The following KCNIP4 variants were observed in gnomAD, a reference collection of about 807,000 sequenced individuals.
KCNIP4 encodes Kv channel-interacting protein 4.
KCNIP4 carries 12 observed loss-of-function variants against 34.0 expected under a neutral mutation model. The ratio of observed to expected loss-of-function variants is 0.35; its 90% CI spans 0.23 to 0.57. KCNIP4 has a LOEUF of 0.57. Ranked by LOEUF, KCNIP4 falls within the 20% of genes least tolerant of loss-of-function variation. The pLI is 0.83. For missense variants in KCNIP4, 238 were observed against 311.7 expected (o/e 0.76, Z 1.78); for synonymous variants, 124 against 102.2 (o/e 1.21, Z -1.29).
intron 1 of KCNIP4, among the ~76,000 whole-genome samples, chr4:21,080,874 A>C (rs1483296827): frequency 4.0e-5 from 6 of 151,838 alleles, no homozygotes; most frequent in Non-Finnish European, 7.4e-5. Flanking sequence ...AATGGGCAAC[A>C]CTCTACAGAA....
intron 1 of KCNIP4, among the ~76,000 whole-genome samples, chr4:21,782,998 G>A (rs577693770): frequency 4.5e-4 from 69 of 152,270 alleles, no homozygotes; most frequent in African/African-American, 1.6e-3. Flanking sequence ...TAGCTGCCAA[G>A]GATGAGGGAT....
In KCNIP4 at chr4:20,868,291, T is replaced by C. The variant is rs1723072745; in HGVS notation, c.163+14317A>G. ...AGAGAAATGTAAATCTAAATTACAA[T>C]GAGATACCATCTCATACCAGTCAGA... On this transcript the variant is annotated intron_variant, in intron 2 of 8. Coordinates refer to ENST00000382152, the MANE Select transcript of KCNIP4 (RefSeq NM_025221.6). Among the ~76,000 whole-genome samples the C allele has an allele frequency of 2.0e-5, 3 of 152,172 alleles. No homozygotes were observed. The South Asian group carries it at 6.2e-4, about 32-fold the overall frequency.
At chr4:20,876,342 G>A (rs1865446) in intron 2 of KCNIP4, among the ~76,000 whole-genome samples, 24,277 of 152,060 alleles carry the variant, frequency 0.16, 2,139 homozygotes, top group Middle Eastern at 0.2. Context: ...GATAAAGTGA[G>A]TTACTCAGAG....
Position 21,848,633 on chromosome 4 carries a change from A to T in KCNIP4, c.61+99938T>A, listed in dbSNP as rs556630623. 98 of 152,256 alleles carry T rather than the reference A, an allele frequency of 6.4e-4. 2 individuals carry two copies. Among genetic ancestry groups the T allele is most frequent in the Middle Eastern group, 3.4e-3 (1 of 292 alleles). The allele number at this position is 152,256 out of a possible 1,614,324, so 9.4% of individuals were successfully genotyped here. The stretch of plus-strand genomic sequence containing the variant: ...GATTTTTGTTATTTAAAAAATCTAA[A>T]CGTTGCTCTAAAATATCCCTAAGGG... On this transcript the variant is annotated intron_variant, in intron 1 of 8. Coordinates refer to ENST00000382152, the MANE Select transcript of KCNIP4 (RefSeq NM_025221.6).
At chr4:21,461,337 T>A (rs1729446902) in intron 1 of KCNIP4, among the ~76,000 whole-genome samples, 1 of 152,042 alleles carries the variant, frequency 6.6e-6, no homozygotes, top group South Asian at 2.1e-4. Flanking sequence ...ATTAAACCCA[T>A]TTTCTTCTTA....
chr4:21,685,156 A>G (rs1391310275), intron 1 of KCNIP4, among the ~76,000 whole-genome samples: 1 of 152,176 alleles, frequency 6.6e-6, no homozygotes, highest in African/African-American at 2.4e-5. Context: ...AACATTTTAA[A>G]ATCAATAGAA....
intron 1 of KCNIP4, among the ~76,000 whole-genome samples, chr4:21,927,553 A>T (rs1729322379): frequency 6.6e-6 from 1 of 152,198 alleles, no homozygotes; most frequent in African/African-American, 2.4e-5. Flanking sequence ...ACCTGTATCC[A>T]TGTCTTGGCC....
At chr4:21,166,408 A>G (rs922722269) in intron 1 of KCNIP4, among the ~76,000 whole-genome samples, 3 of 152,208 alleles carry the variant, frequency 2.0e-5, no homozygotes, top group Non-Finnish European at 2.9e-5. Flanking sequence ...TTCTGATCAT[A>G]CCAAGTATGG....
At chr4:21,389,763 C>T (rs568738666) in intron 1 of KCNIP4, among the ~76,000 whole-genome samples, 7 of 152,068 alleles carry the variant, frequency 4.6e-5, no homozygotes, top group South Asian at 2.1e-4. Flanking sequence ...AATAAACATA[C>T]GTGTGCATGT....
At chr4:21,198,508 C>T (rs984905129) in intron 1 of KCNIP4, among the ~76,000 whole-genome samples, 1 of 152,168 alleles carries the variant, frequency 6.6e-6, no homozygotes, top group Middle Eastern at 3.2e-3. Context: ...CCATTTATTC[C>T]TCACAGCACA....
chr4:21,063,387 A>T (rs1744091434), intron 1 of KCNIP4, among the ~76,000 whole-genome samples: 1 of 152,338 alleles, frequency 6.6e-6, no homozygotes, highest in Admixed American at 6.5e-5. Flanking sequence ...GGGTTAGGGG[A>T]GTAAGCTATG....
chr4:20,756,775 C>T (rs549716869), intron 4 of KCNIP4, among the ~76,000 whole-genome samples: 13 of 152,176 alleles, frequency 8.5e-5, no homozygotes, highest in Admixed American at 2.6e-4. Flanking sequence ...CATTTCATTT[C>T]TGAACTATCT....
intron 1 of KCNIP4, among the ~76,000 whole-genome samples, chr4:21,180,964 C>T (rs548654812): frequency 1.1e-4 from 17 of 152,002 alleles, no homozygotes; most frequent in Non-Finnish European, 1.9e-4. Flanking sequence ...TAAGTTTAGG[C>T]TACAGGCAGA....
chr4:21,355,554 G>C (rs144547350), intron 1 of KCNIP4, among the ~76,000 whole-genome samples: 152 of 152,288 alleles, frequency 1.0e-3, no homozygotes, highest in Non-Finnish European at 1.8e-3. Flanking sequence ...AAATCTAGAA[G>C]AAATGGATAA....
At chr4:21,859,506 T>C (rs990894063) in intron 1 of KCNIP4, among the ~76,000 whole-genome samples, 1 of 151,758 alleles carries the variant, frequency 6.6e-6, no homozygotes, top group Non-Finnish European at 1.5e-5. Flanking sequence ...TGGGTGCCTG[T>C]AGTCCCAGCT....
chr4:21,408,997 G>A (rs1724239522), intron 1 of KCNIP4, among the ~76,000 whole-genome samples: 1 of 151,948 alleles, frequency 6.6e-6, no homozygotes, highest in Non-Finnish European at 1.5e-5. Flanking sequence ...CTTTAAATGT[G>A]GCCAATGAGA....
chr4:21,528,962 C>T (rs1030938258), intron 1 of KCNIP4, among the ~76,000 whole-genome samples: 1 of 151,936 alleles, frequency 6.6e-6, no homozygotes, highest in Non-Finnish European at 1.5e-5. Context: ...TGGCTTTCGG[C>T]CAATGAAAAG....
At chr4:20,938,732 C>T (rs572303084) in intron 1 of KCNIP4, among the ~76,000 whole-genome samples, 3 of 152,072 alleles carry the variant, frequency 2.0e-5, no homozygotes, top group African/African-American at 7.2e-5. Flanking sequence ...AACAAAGAAA[C>T]AACACCTCTT....
intron 1 of KCNIP4, among the ~76,000 whole-genome samples, chr4:21,091,736 A>G (rs1249991995): frequency 3.9e-5 from 6 of 152,144 alleles, no homozygotes; most frequent in Non-Finnish European, 8.8e-5. Context: ...CTGACTTCTC[A>G]TTATATCCTC....
Sources: allele counts gnomAD v4.1 joint callset (sites outside exome capture counted in the v4.1 genomes callset), GRCh38; gene constraint gnomAD v4.1.1; transcripts MANE v1.5; gene names NCBI Gene and HGNC (gene_info 2026-07-23, HGNC 2026-07-21).